Variants in ZNF254 observed in about 807,000 individuals in gnomAD.
The protein encoded by ZNF254 is CTD-2017D11.1.
Under a neutral mutation model 12.4 loss-of-function variants are expected in ZNF254, and 10 were observed. The ratio of observed to expected loss-of-function variants is 0.80; its 90% confidence interval spans 0.50 to 1.36. ZNF254 has a LOEUF of 1.36. Ranked by LOEUF, ZNF254 falls within the 40% of genes most tolerant of loss-of-function variation. The pLI is 0.00. For synonymous variants in ZNF254, 305 were observed against 253.4 expected (o/e 1.20, Z -1.93); for missense variants, 996 against 763.9 (o/e 1.30, Z -3.58).
chr19:24,124,443 A>G (rs1333039047), intron 3 of ZNF254, among the ~76,000 whole-genome samples: 3 of 152,172 alleles, frequency 2.0e-5, no homozygotes, highest in African/African-American at 4.8e-5. Context: ...CCAGAAAATC[A>G]TGTATTTTTA....
upstream of ZNF254, among the ~76,000 whole-genome samples, chr19:24,086,047 A>C (rs1340750929): frequency 4.0e-5 from 6 of 151,392 alleles, no homozygotes; most frequent in Non-Finnish European, 7.4e-5. Flanking sequence ...CTCTACTAAA[A>C]ATGCAAAAAA....
intron 3 of ZNF254, among the ~76,000 whole-genome samples, chr19:24,124,339 T>C (rs910841256): frequency 6.6e-6 from 1 of 152,154 alleles, no homozygotes; most frequent in African/African-American, 2.4e-5. Context: ...TTCTATGCTT[T>C]TATCCTTCAA....
At chr19:24,122,854 A>G (rs1360332649) in intron 3 of ZNF254, among the ~76,000 whole-genome samples, 1 of 146,966 alleles carries the variant, frequency 6.8e-6, no homozygotes, top group Non-Finnish European at 1.5e-5. Context: ...CATGTATGTG[A>G]AAGTTTATAT....
At chr19:24,114,498 C>T (rs1397922627) in intron 3 of ZNF254, among the ~76,000 whole-genome samples, 1 of 126,456 alleles carries the variant, frequency 7.9e-6, no homozygotes, top group African/African-American at 3.3e-5. Context: ...AAACTGGATC[C>T]CTTCCTTACA....
At chr19:24,105,396 T>C in intron 1 of ZNF254, 1 of 254,808 alleles carries the variant, frequency 3.9e-6, no homozygotes, top group African/African-American at 2.4e-5. Context: ...GCTCTTCCAC[T>C]TACTGGATGT....
intron 2 of ZNF254, among the ~76,000 whole-genome samples, chr19:24,082,013 C>A (rs1315679552): frequency 1.3e-5 from 2 of 151,920 alleles, no homozygotes; most frequent in Non-Finnish European, 2.9e-5. Flanking sequence ...GTCCTAGCTA[C>A]TCTGGAGGAT....
rs553144330 is a variant in ZNF254, at chr19:24,056,532, A to T, written c.-94+10253A>T. 2.6e-5 allele frequency among the ~76,000 whole-genome samples: 4 copies of T among 152,260 alleles called. No homozygotes were observed. The South Asian group carries it at 8.3e-4, about 32-fold the overall frequency. ...TGCTTTGGCCTGGACCTCAAAAGGC[A>T]TTGTGACATATTGCTGGGCCCAGCA... On this transcript the variant is annotated intron_variant, in intron 2 of 4. Coordinates refer to the ZNF254 transcript ENST00000613065.
chr19:24,088,373 G>A (rs959057535), intron 1 of ZNF254, among the ~76,000 whole-genome samples: 1 of 151,778 alleles, frequency 6.6e-6, no homozygotes, highest in African/African-American at 2.4e-5. Flanking sequence ...AGAAATCCGG[G>A]GACTAGAGCC....
chr19:24,119,607 A>T (rs972555542), intron 3 of ZNF254, among the ~76,000 whole-genome samples: 4 of 152,066 alleles, frequency 2.6e-5, no homozygotes, highest in African/African-American at 9.7e-5. Flanking sequence ...CTCTGATTGC[A>T]GCCTCTCAGG....
chr19:24,081,573 A>T (rs568625683), intron 2 of ZNF254, among the ~76,000 whole-genome samples: 1 of 152,324 alleles, frequency 6.6e-6, no homozygotes, highest in East Asian at 1.9e-4. Flanking sequence ...ATTACTTAAA[A>T]GAGTAAACCA....
At chr19:24,074,140 C>T (rs2145518354) in intron 2 of ZNF254, among the ~76,000 whole-genome samples, 1 of 152,198 alleles carries the variant, frequency 6.6e-6, no homozygotes, top group African/African-American at 2.4e-5. Flanking sequence ...TGTGCAGCAT[C>T]CAGGTGATGT....
intron 3 of ZNF254, among the ~76,000 whole-genome samples, chr19:24,121,516 G>A (rs1017015574): frequency 6.7e-6 from 1 of 148,570 alleles, no homozygotes; most frequent in Non-Finnish European, 1.5e-5. Flanking sequence ...TCTTTTTCCA[G>A]TAGAATTATA....
chr19:24,104,027 C>T (rs538519865), intron 1 of ZNF254, among the ~76,000 whole-genome samples: 8 of 152,108 alleles, frequency 5.3e-5, no homozygotes, highest in African/African-American at 1.9e-4. Context: ...ACCCAGCCAA[C>T]TTTTGTATTT....
chr19:24,123,974 T>C (rs1419584894), intron 3 of ZNF254, among the ~76,000 whole-genome samples: 3 of 152,024 alleles, frequency 2.0e-5, no homozygotes, highest in African/African-American at 7.2e-5. Context: ...GTTAATTTTA[T>C]ATATATTGAA....
At chr19:24,043,557 C>T (rs762301887) in intron 1 of ZNF254, among the ~76,000 whole-genome samples, 20 of 152,018 alleles carry the variant, frequency 1.3e-4, no homozygotes, top group Admixed American at 5.2e-4. Context: ...CCACTGTGCC[C>T]GGCCAAAGCA....
intron 3 of ZNF254, among the ~76,000 whole-genome samples, chr19:24,113,211 G>T (rs375530811): frequency 6.6e-5 from 10 of 152,034 alleles, no homozygotes; most frequent in Non-Finnish European, 1.3e-4. Flanking sequence ...TACCAAAGCC[G>T]GGCAGAGACA....
upstream of ZNF254, among the ~76,000 whole-genome samples, chr19:24,086,460 C>T (rs1599672008): frequency 6.6e-6 from 1 of 151,648 alleles, no homozygotes; most frequent in East Asian, 2.0e-4. Flanking sequence ...CGTGCGCCAC[C>T]ATGCCCAGCT....
chr19:24,098,835 C>G (rs1404387763), intron 1 of ZNF254: 1 of 152,086 alleles, frequency 6.6e-6, no homozygotes, highest in Admixed American at 6.6e-5. Flanking sequence ...CTAGCTTTAT[C>G]TGGATGCATG....
At chr19:24,062,802 ATAAT>A (rs1259927650) in intron 2 of ZNF254, among the ~76,000 whole-genome samples, 1 of 151,842 alleles carries the variant, frequency 6.6e-6, no homozygotes, top group South Asian at 2.1e-4. Flanking sequence ...ACTAAGGAGC[ATAAT>A]TTATTTATTT....
Sources: allele counts gnomAD v4.1 joint callset (sites outside exome capture counted in the v4.1 genomes callset), GRCh38; gene constraint gnomAD v4.1.1; transcripts MANE v1.5; gene names NCBI Gene and HGNC (gene_info 2026-07-23, HGNC 2026-07-21).